CLTCL1: variants seen among roughly 807,000 people sequenced by gnomAD.
The protein encoded by CLTCL1 is clathrin heavy chain 2.
A neutral mutation model predicts 190.0 loss-of-function variants in CLTCL1; 159 were observed. That is an observed-to-expected ratio of 0.84 (90% CI 0.74 to 0.95). CLTCL1 has a LOEUF of 0.95. CLTCL1 is among the 40% of genes least tolerant of loss of function. CLTCL1 has a pLI of 0.00. For synonymous variants in CLTCL1, 752 were observed against 769.6 expected (o/e 0.98, Z 0.38); for missense variants, 1,878 against 2,033.4 (o/e 0.92, Z 1.47).
intron 3 of CLTCL1, among the ~76,000 whole-genome samples, chr22:19,247,215 G>A (rs1341168303): frequency 6.6e-6 from 1 of 152,120 alleles, no homozygotes; most frequent in Non-Finnish European, 1.5e-5. Flanking sequence ...TTTGCATGTG[G>A]ATATTTAGTT....
chr22:19,214,682 C>CTTT (rs35325953), intron 19 of CLTCL1, among the ~76,000 whole-genome samples: 1 of 130,328 alleles, frequency 7.7e-6, no homozygotes, highest in South Asian at 2.6e-4. Context: ...ATATATTTTG[C>CTTT]TTTTTTTTTT....
At chr22:19,203,947 C>G (rs1555941335) in intron 22 of CLTCL1, among the ~76,000 whole-genome samples, 1 of 152,236 alleles carries the variant, frequency 6.6e-6, no homozygotes, top group Non-Finnish European at 1.5e-5. Flanking sequence ...CACTTGGCAG[C>G]ACGCCCTGCC....
At chr22:19,207,100 T>G (rs1286199612) in intron 22 of CLTCL1, among the ~76,000 whole-genome samples, 13 of 132,346 alleles carry the variant, frequency 9.8e-5, no homozygotes, top group African/African-American at 3.4e-4. Flanking sequence ...CACTGCAACC[T>G]CCATCTCCCG....
intron 3 of CLTCL1, among the ~76,000 whole-genome samples, chr22:19,247,597 G>A (rs1555968459): frequency 6.6e-6 from 1 of 152,052 alleles, no homozygotes; most frequent in East Asian, 1.9e-4. Flanking sequence ...TTCCACTCTT[G>A]TTGCCCAGGC....
rs376981962 is a variant in CLTCL1 at position 19,196,592 on chromosome 22, T to C, written c.3938A>G (p.His1313Arg). 1.1e-5 allele frequency: 17 copies of C among 1,613,778 alleles called. No individual in the cohort carries two copies. Among genetic ancestry groups the C allele is most frequent in the Non-Finnish European group, 1.4e-5 (17 of 1,179,792 alleles). Residue 1313 changes from histidine (H) to arginine (R), a missense_variant, in exon 25 of 33, where the codon CAC becomes CGC. His to Arg is a conservative substitution (Grantham distance 29). Transcript: ENST00000427926. ...LEAALGLERA[H>R]MGMFTELAIL... ...GGCCAGCTCAGTGAACATGCCCATG[T>C]GGGCCCGCTCCAGGCCCAGGGCCGC...
intron 1 of CLTCL1, among the ~76,000 whole-genome samples, chr22:19,291,320 C>G (rs147719375): frequency 0.012 from 1,788 of 152,244 alleles, 41 homozygotes; most frequent in East Asian, 0.078. Context: ...TGCCTCCTCG[C>G]GGGCACTGAG....
At chr22:19,272,754 G>T (rs903586600) in intron 2 of CLTCL1, among the ~76,000 whole-genome samples, 1 of 152,100 alleles carries the variant, frequency 6.6e-6, no homozygotes, top group Admixed American at 6.6e-5. Flanking sequence ...TTACAGGCGT[G>T]AGCCACCACG....
intron 22 of CLTCL1, among the ~76,000 whole-genome samples, chr22:19,206,020 A>G (rs1285703533): frequency 6.7e-6 from 1 of 150,326 alleles, no homozygotes; most frequent in African/African-American, 2.5e-5. Flanking sequence ...TTGACTTCCC[A>G]GCCTCCAGTG....
chr22:19,262,126 A>G (rs1224473541), intron 2 of CLTCL1, among the ~76,000 whole-genome samples: 3 of 151,872 alleles, frequency 2.0e-5, no homozygotes, highest in African/African-American at 7.2e-5. Context: ...CCCGGATTCA[A>G]GCGATTCTCC....
intron 1 of CLTCL1, among the ~76,000 whole-genome samples, chr22:19,289,438 G>A (rs968204823): frequency 6.6e-6 from 1 of 152,196 alleles, no homozygotes; most frequent in Non-Finnish European, 1.5e-5. Flanking sequence ...AGGATGGCTT[G>A]TAACCTTGGC....
chr22:19,233,830 C>T (rs1432919936), intron 7 of CLTCL1, among the ~76,000 whole-genome samples: 1 of 152,208 alleles, frequency 6.6e-6, no homozygotes, highest in Non-Finnish European at 1.5e-5. Context: ...TGGCTTCACA[C>T]TTAGGGTCTT....
chr22:19,254,000 C>T lies in CLTCL1; in HGVS notation c.478G>A (p.Glu160Lys). ...ACGAGCAGCAGCCACTTCTGGTACT[C>T]ATCAGTCCGGTAGTGAATCACCTGG... Reference protein sequence around the residue: ...GCQVIHYRTDEYQKWLLLVGI... With the variant: ...GCQVIHYRTDKYQKWLLLVGI... Residue 160 changes from glutamate (E) to lysine (K), a missense_variant, in exon 3 of 33, where the codon GAG (glutamate) becomes AAG (lysine). Physicochemically the swap from Glu to Lys is moderately conservative, Grantham distance 56. Transcript: ENST00000427926. The T allele has an allele frequency of 1.9e-6, 3 of 1,613,252 alleles. No individual in the cohort carries two copies. Among genetic ancestry groups the T allele is most frequent in the South Asian group, 1.1e-5 (1 of 90,898 alleles).
intron 3 of CLTCL1, among the ~76,000 whole-genome samples, chr22:19,243,350 G>A (rs2086314088): frequency 6.6e-6 from 1 of 152,132 alleles, no homozygotes; most frequent in Admixed American, 6.5e-5. Context: ...AAACCAATAA[G>A]GCCAGCACAG....
At chr22:19,247,156 T>C (rs182505964) in intron 3 of CLTCL1, among the ~76,000 whole-genome samples, 196 of 152,312 alleles carry the variant, frequency 1.3e-3, no homozygotes, top group African/African-American at 4.1e-3. Flanking sequence ...CAGATCTATT[T>C]TGAGTTTATT....
intron 3 of CLTCL1, among the ~76,000 whole-genome samples, chr22:19,244,588 A>G (rs2086359044): frequency 6.6e-6 from 1 of 152,210 alleles, no homozygotes; most frequent in African/African-American, 2.4e-5. Context: ...ATGATAGCAC[A>G]TTTGAGTCCT....
intron 26 of CLTCL1, among the ~76,000 whole-genome samples, chr22:19,192,454 G>C (rs1569151967): frequency 6.6e-6 from 1 of 152,198 alleles, no homozygotes; most frequent in Non-Finnish European, 1.5e-5. Flanking sequence ...AAGCCAGATG[G>C]GCATGAACCA....
At chr22:19,232,042 T>G (rs1403328445) in intron 10 of CLTCL1, among the ~76,000 whole-genome samples, 1 of 152,128 alleles carries the variant, frequency 6.6e-6, no homozygotes, top group Non-Finnish European at 1.5e-5. Context: ...TAGGTTACAC[T>G]AAAAAACAGG....
At chr22:19,269,356 T>G (rs2518859) in intron 2 of CLTCL1, among the ~76,000 whole-genome samples, 1 of 151,644 alleles carries the variant, frequency 6.6e-6, no homozygotes, top group Admixed American at 6.6e-5. Flanking sequence ...GCCAATATCA[T>G]GCCATTGCAC....
intron 22 of CLTCL1, among the ~76,000 whole-genome samples, chr22:19,206,005 C>T (rs1256110785): frequency 4.6e-5 from 7 of 151,482 alleles, no homozygotes; most frequent in South Asian, 2.1e-4. Flanking sequence ...CAGCTCATTA[C>T]AGTCTTGACT....
Sources: gnomAD v4.1 joint callset for allele counts (sites outside exome capture counted in the v4.1 genomes callset) on GRCh38, gnomAD v4.1.1 for gene constraint, MANE v1.5 for transcripts, NCBI Gene and HGNC (gene_info 2026-07-23, HGNC 2026-07-21) for gene names.